Variants in APLP2 observed in about 807,000 individuals in gnomAD.
APLP2 encodes the protein amyloid beta precursor like protein 2.
In APLP2, 53 loss-of-function variants were observed where a neutral mutation model predicts 89.9. The ratio of observed to expected loss-of-function variants is 0.59; its 90% confidence interval spans 0.47 to 0.74. The LOEUF (loss-of-function observed/expected upper bound fraction) is 0.74. Ranked by LOEUF, APLP2 falls within the 30% of genes least tolerant of loss-of-function variation. The pLI, the probability that APLP2 is intolerant of heterozygous loss-of-function variation, is 0.00. For missense variants in APLP2, 973 were observed against 975.9 expected (o/e 1.00, Z 0.04); for synonymous variants, 372 against 348.6 (o/e 1.07, Z -0.75).
intron 13 of APLP2, chr11:130,137,219 A>C (rs746338845): frequency 2.3e-5 from 37 of 1,595,286 alleles, no homozygotes; most frequent in Non-Finnish European, 3.1e-5. Flanking sequence ...CTTTTGTGCT[A>C]TTTTATTTTG....
Position 130,123,687 on chromosome 11 carries a change from G to C in APLP2, c.998G>C (p.Gly333Ala), listed in dbSNP as rs753559526. 1 of 1,614,292 alleles carries C rather than the reference G, an allele frequency of 6.2e-7. No individual in the cohort carries two copies. The highest frequency in any genetic ancestry group is 8.5e-7 in the Non-Finnish European group (1 of 1,180,054). ...MPRWYFDLSK[G>A]KCVRFIYGGC... ...CGTTGGTACTTCGACCTCTCCAAGG[G>C]AAAGTGCGTGCGCTTTATATATGGT... Residue 333 changes from glycine to alanine, a missense_variant, in exon 7 of 17, where the codon GGA becomes GCA. Transcript: ENST00000338167. This position sits in a 1 kb window ranked among gnomAD's most constrained non-coding sequence, Gnocchi z 4.0.
chr11:130,128,941 C>T (rs1410439842), intron 9 of APLP2, 107 bp from the exon 10 acceptor site: 2 of 1,268,202 alleles, frequency 1.6e-6, no homozygotes, highest in Non-Finnish European at 2.2e-6. Context: ...GAACCTGTTA[C>T]TGTCTCGCAT....
At chr11:130,127,010 C>T (rs551267277) in intron 8 of APLP2, among the ~76,000 whole-genome samples, 180 bp downstream of exon 8, 2 of 150,772 alleles carry the variant, frequency 1.3e-5, no homozygotes, top group East Asian at 3.9e-4. Context: ...CACCTGCATC[C>T]AGATAATATA....
At chr11:130,091,726 C>CCA (rs1204580877) in intron 1 of APLP2, among the ~76,000 whole-genome samples, 1 of 145,624 alleles carries the variant, frequency 6.9e-6, no homozygotes, top group African/African-American at 2.6e-5. Context: ...GGGGCTGACC[C>CCA]CCCCACCTCC....
chr11:130,075,482 A>G (rs1308812283), intron 1 of APLP2, among the ~76,000 whole-genome samples: 8 of 152,198 alleles, frequency 5.3e-5, no homozygotes, highest in Non-Finnish European at 1.2e-4. Context: ...GTAAAACCAA[A>G]TGTGGATAGT....
intron 13 of APLP2, among the ~76,000 whole-genome samples, chr11:130,137,686 C>T (rs575203835): frequency 1.3e-5 from 2 of 152,168 alleles, no homozygotes; most frequent in African/African-American, 4.8e-5. Context: ...GAGTCGTTCT[C>T]TTTTCCCTCT....
intron 1 of APLP2, among the ~76,000 whole-genome samples, chr11:130,071,082 T>G (rs927580394): frequency 6.6e-6 from 1 of 152,372 alleles, no homozygotes; most frequent in Admixed American, 6.5e-5. Context: ...AATGTGTAGT[T>G]CTGGTGTCGT....
intron 1 of APLP2, among the ~76,000 whole-genome samples, chr11:130,087,714 G>A (rs1484862268): frequency 1.3e-5 from 2 of 152,172 alleles, no homozygotes; most frequent in Non-Finnish European, 2.9e-5. Flanking sequence ...ACTCCACCCT[G>A]CCCCTTATCC....
chr11:130,107,084 A>T (rs1415014859), intron 1 of APLP2, among the ~76,000 whole-genome samples: 2 of 152,206 alleles, frequency 1.3e-5, no homozygotes, highest in Non-Finnish European at 2.9e-5. Context: ...TAACTCTTGC[A>T]TTAGAGCCCC....
At chr11:130,090,316 G>T (rs1223927368) in intron 1 of APLP2, among the ~76,000 whole-genome samples, 2 of 142,930 alleles carry the variant, frequency 1.4e-5, no homozygotes, top group African/African-American at 5.3e-5. Flanking sequence ...CACAGAGGGG[G>T]ATTTGGCAGG....
chr11:130,083,973 G>A (rs902271716), intron 1 of APLP2, among the ~76,000 whole-genome samples: 7 of 152,168 alleles, frequency 4.6e-5, no homozygotes, highest in Admixed American at 6.5e-5. Context: ...TCGGCCGGGC[G>A]CGGTGCCTCA....
chr11:130,115,125 T>G (rs906762423), intron 3 of APLP2, among the ~76,000 whole-genome samples: 4 of 152,198 alleles, frequency 2.6e-5, no homozygotes, highest in South Asian at 2.1e-4. Flanking sequence ...TTCTCCCACC[T>G]GGGTACAGCT....
intron 7 of APLP2, among the ~76,000 whole-genome samples, chr11:130,124,742 T>C (rs534305075): frequency 9.8e-4 from 150 of 152,364 alleles, no homozygotes; most frequent in African/African-American, 3.3e-3. Flanking sequence ...AATATGGCAG[T>C]GCCTTGAGTG....
chr11:130,133,841 AT>A (rs1271741681), intron 12 of APLP2, 113 bp downstream of exon 12: 1 of 759,936 alleles, frequency 1.3e-6, no homozygotes, highest in Non-Finnish European at 2.2e-6. Flanking sequence ...GAAGTGGGGC[AT>A]TAGCACATCC....
intron 1 of APLP2, among the ~76,000 whole-genome samples, chr11:130,089,553 T>C (rs1484513073): frequency 6.6e-6 from 1 of 152,208 alleles, no homozygotes; most frequent in African/African-American, 2.4e-5. Context: ...TGTCTCAGAG[T>C]ATATATGCTC....
intron 1 of APLP2, among the ~76,000 whole-genome samples, chr11:130,074,237 T>G (rs542522583): frequency 6.6e-6 from 1 of 152,254 alleles, no homozygotes; most frequent in African/African-American, 2.4e-5. Context: ...CTTTTTTGAG[T>G]TGGAGTCTCA....
chr11:130,072,363 A>G (rs1278074366), intron 1 of APLP2, among the ~76,000 whole-genome samples: 1 of 152,220 alleles, frequency 6.6e-6, no homozygotes, highest in Non-Finnish European at 1.5e-5. Context: ...AAGGATGTCA[A>G]CTGAGGCAGA....
chr11:130,111,768 C>T lies in APLP2; in HGVS notation c.403+1107C>T, dbSNP rs539188813. 7.0e-4 allele frequency among the ~76,000 whole-genome samples: 107 copies of T among 152,284 alleles called. 4 individuals are homozygous for T. Among genetic ancestry groups the T allele is most frequent in the Admixed American group, 5.8e-3 (88 of 15,296 alleles). ...AATGTTGTGTGGTGTGGTTTAAGGA[C>T]GCTTTCTGTTCTGTTTGGCTCTGAG... On this transcript the variant is annotated intron_variant, in intron 3 of 16. Coordinates refer to ENST00000338167, the MANE Select transcript of APLP2 (RefSeq NM_001142276.2).
intron 14 of APLP2, 158 bp downstream of exon 14, chr11:130,140,641 T>C (rs975251118): frequency 1.6e-5 from 8 of 486,754 alleles, no homozygotes; most frequent in Middle Eastern, 3.2e-4. Flanking sequence ...CTGGCTGTGG[T>C]GTTTAGCATC....
Sources: allele counts gnomAD v4.1 joint callset (sites outside exome capture counted in the v4.1 genomes callset), GRCh38; gene constraint gnomAD v4.1.1; non-coding constraint Gnocchi (gnomAD v3.1); transcripts MANE v1.5; gene names NCBI Gene and HGNC (gene_info 2026-07-23, HGNC 2026-07-21).